Variants in CDC45 observed in about 807,000 individuals in gnomAD.
CDC45 encodes the protein cell division control protein 45 homolog.
CDC45 carries 54 observed loss-of-function variants against 77.8 expected under a neutral mutation model. The ratio of observed to expected loss-of-function variants is 0.69; its 90% CI spans 0.56 to 0.87. The LOEUF (loss-of-function observed/expected upper bound fraction) is 0.87. Among genes scored for constraint, CDC45 ranks in the 40% least tolerant of loss-of-function variants. CDC45 has a pLI of 0.00. For missense variants in CDC45, 649 were observed against 721.6 expected, an observed-to-expected ratio of 0.90 and a Z score of 1.15; for synonymous variants, 260 against 272.1, an observed-to-expected ratio of 0.96 and a Z score of 0.44.
Position 19,480,019 on chromosome 22 carries a change from G to C in CDC45, c.51G>C (p.Gln17His). 2 of 1,614,026 alleles carry C rather than the reference G, an allele frequency of 1.2e-6. No homozygotes were observed. Among genetic ancestry groups the C allele is most frequent in the Non-Finnish European group, 1.7e-6 (2 of 1,180,008 alleles). Reference protein sequence around the residue: ...RKEFYEVVQSQRVLLFVASDV... With the variant: ...RKEFYEVVQSHRVLLFVASDV... ...AGTTCTACGAGGTGGTCCAGAGCCA[G>C]GTGACGCCCAGTCCGGGACCCCCGC... The change falls in exon 1 of 19, where the codon CAG becomes CAC. Residue 17 changes from glutamine (Q) to histidine (H), a missense_variant and splice_region_variant. By Grantham distance (24) the Gln-to-His change is conservative. Coordinates refer to ENST00000263201, the MANE Select transcript of CDC45 (RefSeq NM_003504.5).
intron 3 of CDC45, among the ~76,000 whole-genome samples, chr22:19,481,723 G>A (rs536847396): frequency 1.6e-4 from 24 of 152,182 alleles, no homozygotes; most frequent in Non-Finnish European, 1.5e-5. Flanking sequence ...TCAGGCTGGA[G>A]TGTCATGGTG....
At chr22:19,496,154 TC>T in intron 7 of CDC45, 125 bp downstream of exon 7, 2 of 694,676 alleles carry the variant, frequency 2.9e-6, no homozygotes, top group Non-Finnish European at 5.1e-6. Flanking sequence ...CTCCATGTCT[TC>T]CCCCTGTGTG....
chr22:19,499,047 CT>C, intron 8 of CDC45, 53 bp from the exon 9 acceptor site: 1 of 1,577,440 alleles, frequency 6.3e-7, no homozygotes, highest in Non-Finnish European at 8.7e-7. Context: ...TCCCCCAGGC[CT>C]CATTGAGCCC....
chr22:19,502,595 G>A (rs1436522823), intron 9 of CDC45, among the ~76,000 whole-genome samples: 1 of 152,198 alleles, frequency 6.6e-6, no homozygotes, highest in Non-Finnish European at 1.5e-5. Context: ...AAGAGGGCTG[G>A]ATCCAAATTA....
chr22:19,495,950 T>C lies in CDC45; in HGVS notation c.543-31T>C, dbSNP rs199886373. 2.6e-6 allele frequency: 4 copies of C among 1,565,804 alleles called. No homozygotes were observed. In the African/African-American group the frequency reaches 4.1e-5, roughly 16 times the overall value. On this transcript the variant is annotated intron_variant, in intron 6 of 18. Coordinates refer to ENST00000263201, the MANE Select transcript of CDC45 (RefSeq NM_003504.5). ...TTTGGCTTCCTGTACTGCTACTTCC[T>C]GTTGAAGACCTGCATTTTATGTCAT... is the stretch of plus-strand genomic sequence containing the variant.
intron 5 of CDC45, among the ~76,000 whole-genome samples, chr22:19,485,740 G>A (rs1358643532): frequency 6.6e-6 from 1 of 152,130 alleles, no homozygotes; most frequent in African/African-American, 2.4e-5. Flanking sequence ...TTTTTGAAAT[G>A]TATACAGTGG....
chr22:19,510,717 C>T (rs770154154), intron 13 of CDC45, among the ~76,000 whole-genome samples: 4 of 152,046 alleles, frequency 2.6e-5, no homozygotes, highest in South Asian at 2.1e-4. Flanking sequence ...TTAATAGAGA[C>T]GGGGTTTCAC....
intron 9 of CDC45, 114 bp from the exon 10 acceptor site, chr22:19,505,248 C>T: frequency 8.0e-7 from 1 of 1,246,388 alleles, no homozygotes; most frequent in Non-Finnish European, 1.2e-6. Flanking sequence ...GGGAACAGCT[C>T]CTGTGGTGAG....
At chr22:19,492,900 C>T (rs2090174350) in intron 5 of CDC45, among the ~76,000 whole-genome samples, 2 of 152,134 alleles carry the variant, frequency 1.3e-5, no homozygotes, top group African/African-American at 4.8e-5. Context: ...AGGAATTTCT[C>T]ATTACTAGAA....
intron 6 of CDC45, among the ~76,000 whole-genome samples, chr22:19,495,085 T>C (rs2090219351): frequency 2.0e-5 from 3 of 152,124 alleles, no homozygotes; most frequent in East Asian, 1.9e-4. Flanking sequence ...TATAAAACCA[T>C]TTCAGGAAGC....
chr22:19,514,437 C>T (rs9604968), intron 13 of CDC45, among the ~76,000 whole-genome samples: 1 of 152,266 alleles, frequency 6.6e-6, no homozygotes, highest in South Asian at 2.1e-4. Flanking sequence ...CTTGTCCAAC[C>T]TCCAGCCCTT....
In CDC45 at chr22:19,499,167, C is replaced by T. The variant is rs554761868; in HGVS notation, c.704+16C>T. On this transcript the variant is annotated intron_variant, in intron 9 of 18. Coordinates refer to ENST00000263201, the MANE Select transcript of CDC45 (RefSeq NM_003504.5). Reference sequence around the variant, plus strand: ...AGATCACTCAGTAAGGACACACTCCCTTGCCTTGCAGGGTCAGCCCTGTGC... The same window carrying T: ...AGATCACTCAGTAAGGACACACTCCTTTGCCTTGCAGGGTCAGCCCTGTGC... 3.7e-6 allele frequency: 6 copies of T among 1,613,768 alleles called. No homozygotes were observed. The South Asian group carries it at 4.4e-5, about 12-fold the overall frequency.
At chr22:19,513,332 A>G (rs2146434317) in intron 13 of CDC45, among the ~76,000 whole-genome samples, 1 of 152,350 alleles carries the variant, frequency 6.6e-6, no homozygotes, top group East Asian at 1.9e-4. Flanking sequence ...GTTGATTTTA[A>G]AAGTTGAAAG....
Position 19,516,886 on chromosome 22 carries a change from CCT to C in CDC45, c.1633_1634del (p.Val546AsnfsTer2). ...CCCGGATGCTGCACAACCATTTTGA[CCT>C]CTCAGGTGAGAGTCTCCTGCCACTC... Reference protein sequence around the residue: ...SSRMLHNHFDLSVIELKAEDR... With the variant: ...SSRMLHNHFDXSVIELKAEDR... On this transcript the variant is annotated frameshift_variant, in exon 17 of 19. Coordinates refer to ENST00000263201, the MANE Select transcript of CDC45 (RefSeq NM_003504.5). LOFTEE classifies it high-confidence loss of function. 1 of 1,613,404 alleles carries C rather than the reference CCT, an allele frequency of 6.2e-7. No individual in the cohort carries two copies. The highest frequency in any genetic ancestry group is 8.5e-7 in the Non-Finnish European group (1 of 1,179,342).
At chr22:19,514,240 A>G (rs1191430399) in intron 13 of CDC45, among the ~76,000 whole-genome samples, 4 of 152,254 alleles carry the variant, frequency 2.6e-5, no homozygotes, top group African/African-American at 7.2e-5. Context: ...CTCACTGGTC[A>G]TAAGACATCG....
At chr22:19,504,851 A>G (rs1007107414) in intron 9 of CDC45, among the ~76,000 whole-genome samples, 1 of 152,188 alleles carries the variant, frequency 6.6e-6, no homozygotes, top group African/African-American at 2.4e-5. Context: ...GGGGAACTAC[A>G]ATCTTGTGAC....
chr22:19,493,613 T>C (rs1477453695), intron 5 of CDC45, among the ~76,000 whole-genome samples: 3 of 152,116 alleles, frequency 2.0e-5, no homozygotes, highest in African/African-American at 7.2e-5. Context: ...CCGGCTAATT[T>C]TTGTATTTTA....
chr22:19,515,028 C>T lies in CDC45; in HGVS notation c.1420C>T (p.Leu474Phe). ...CCTAAGCCTGCTCAGCAAACACCTG[C>T]TCAAGTCCTTTGTGTGTTCGGTGAG... is the stretch of plus-strand genomic sequence containing the variant. ...ASLSLLSKHL[L>F]KSFVCSTKNR... is the part of the protein sequence containing the mutation. The change falls in exon 15 of 19, where the codon CTC (leucine) becomes TTC (phenylalanine). Residue 474 changes from leucine to phenylalanine, a missense_variant. Transcript: ENST00000263201. 6.2e-7 allele frequency: 1 copy of T among 1,610,912 alleles called. No homozygotes were observed. Among genetic ancestry groups the T allele is most frequent in the South Asian group, 1.1e-5 (1 of 90,772 alleles).
intron 9 of CDC45, among the ~76,000 whole-genome samples, chr22:19,503,187 A>T (rs757851526): frequency 2.6e-5 from 4 of 152,064 alleles, no homozygotes; most frequent in Non-Finnish European, 5.9e-5. Flanking sequence ...AGCAGGCAGA[A>T]ACTTTCTCAT....
Sources: gnomAD v4.1 joint callset for allele counts (sites outside exome capture counted in the v4.1 genomes callset) on GRCh38, gnomAD v4.1.1 for gene constraint, MANE v1.5 for transcripts, NCBI Gene and HGNC (gene_info 2026-07-23, HGNC 2026-07-21) for gene names.